The following DNAJC1 variants were observed in gnomAD, a reference collection of about 807,000 sequenced individuals.
The protein encoded by DNAJC1 is DnaJ heat shock protein family (Hsp40) member C1, also known as dnaJ homolog subfamily C member 1.
DNAJC1 carries 58 observed loss-of-function variants against 76.6 expected under a neutral mutation model. The observed-to-expected ratio is 0.76, with a 90% CI of 0.61 to 0.94. The LOEUF is 0.94. DNAJC1 is among the 40% of genes least tolerant of loss of function. The probability of loss-of-function intolerance (pLI) is 0.00; values close to 1 mark genes in which losing one functional copy is unlikely to be tolerated. For synonymous variants in DNAJC1, 258 were observed against 267.9 expected, an observed-to-expected ratio of 0.96 and a Z score of 0.36; for missense variants, 689 against 677.3, an observed-to-expected ratio of 1.02 and a Z score of -0.19.
In DNAJC1 at chr10:21,802,532, T is replaced by C. The variant is rs79885077; in HGVS notation, c.1098+3448A>G. 6.6e-4 allele frequency among the ~76,000 whole-genome samples: 100 copies of C among 152,252 alleles called. 1 individual carries two copies. In the East Asian group the frequency reaches 0.019, roughly 29 times the overall value. On this transcript the variant is annotated intron_variant, in intron 9 of 11. Coordinates refer to ENST00000376980, the MANE Select transcript of DNAJC1 (RefSeq NM_022365.4). ...TCCTTCCTCCTCTTCACTTGCATAA[T>C]GGGCTACATATATAACTACACACCC...
chr10:21,758,452 A>T (rs990173317), intron 11 of DNAJC1, among the ~76,000 whole-genome samples: 4 of 152,220 alleles, frequency 2.6e-5, no homozygotes. Flanking sequence ...GGCTCTCCAC[A>T]GGGCACTCCC....
At chr10:21,977,426 T>A (rs1483235016) in intron 1 of DNAJC1, among the ~76,000 whole-genome samples, 1 of 152,124 alleles carries the variant, frequency 6.6e-6, no homozygotes, top group Non-Finnish European at 1.5e-5. Flanking sequence ...CCACGTGAAC[T>A]AAAATATGAA....
intron 1 of DNAJC1, among the ~76,000 whole-genome samples, chr10:21,969,206 A>G (rs1039348633): frequency 2.2e-5 from 3 of 135,328 alleles, no homozygotes; most frequent in Non-Finnish European, 4.7e-5. Flanking sequence ...CCTGGGCAAT[A>G]GAGCGAGACT....
chr10:21,769,045 T>C (rs1834340761), intron 9 of DNAJC1, among the ~76,000 whole-genome samples: 1 of 152,214 alleles, frequency 6.6e-6, no homozygotes, highest in South Asian at 2.1e-4. Flanking sequence ...CTTCTTTCTC[T>C]GAATGTTCCT....
At chr10:21,780,065 A>G (rs2131627148) in intron 9 of DNAJC1, among the ~76,000 whole-genome samples, 1 of 152,350 alleles carries the variant, frequency 6.6e-6, no homozygotes, top group African/African-American at 2.4e-5. Flanking sequence ...AAAAGAAATG[A>G]ACAAAGCCTC....
At chr10:21,984,249 G>T (rs1838202845) in intron 1 of DNAJC1, among the ~76,000 whole-genome samples, 2 of 152,148 alleles carry the variant, frequency 1.3e-5, no homozygotes, top group African/African-American at 4.8e-5. Flanking sequence ...CTTATAAACA[G>T]AGACCCCAAA....
chr10:21,985,088 C>G (rs1838220216), intron 1 of DNAJC1, among the ~76,000 whole-genome samples: 1 of 152,140 alleles, frequency 6.6e-6, no homozygotes, highest in African/African-American at 2.4e-5. Flanking sequence ...ATTTACATAA[C>G]ATAAAATCCA....
chr10:21,834,464 A>C (rs1017577138), intron 8 of DNAJC1, among the ~76,000 whole-genome samples: 1 of 152,172 alleles, frequency 6.6e-6, no homozygotes, highest in African/African-American at 2.4e-5. Context: ...GGAGTACCAG[A>C]CAGTAGGTGC....
intron 6 of DNAJC1, among the ~76,000 whole-genome samples, chr10:21,907,575 T>G (rs982412465): frequency 6.6e-6 from 1 of 152,138 alleles, no homozygotes; most frequent in Non-Finnish European, 1.5e-5. Context: ...ATAAGAAGAC[T>G]GGGGATAACT....
intron 7 of DNAJC1, among the ~76,000 whole-genome samples, chr10:21,896,115 G>A (rs1404127547): frequency 2.0e-5 from 3 of 152,192 alleles, no homozygotes; most frequent in African/African-American, 7.2e-5. Flanking sequence ...CAAAGGTGGG[G>A]CTGCTAGAGA....
Position 21,993,570 on chromosome 10 carries a change from A to G in DNAJC1, c.222+9643T>C, listed in dbSNP as rs117888448. Among the ~76,000 whole-genome samples, 46 of 152,330 alleles carry G rather than the reference A, an allele frequency of 3.0e-4. No individual in the cohort carries two copies. In the East Asian group the frequency reaches 8.9e-3, roughly 29 times the overall value. On this transcript the variant is annotated intron_variant, in intron 1 of 11. Transcript: ENST00000376980. Reference sequence around the variant, plus strand: ...AATACAACCCCTCAACATTTTTAATAGCAATATCCAAAGAAGGCCACAAGA... The same window carrying G: ...AATACAACCCCTCAACATTTTTAATGGCAATATCCAAAGAAGGCCACAAGA...
chr10:21,858,740 A>G (rs1017716374), intron 8 of DNAJC1, among the ~76,000 whole-genome samples: 3 of 152,230 alleles, frequency 2.0e-5, no homozygotes, highest in African/African-American at 7.2e-5. Context: ...GGTCTCCTAC[A>G]TAAAACACTG....
chr10:21,768,209 T>C (rs1190643673), intron 9 of DNAJC1, among the ~76,000 whole-genome samples: 2 of 152,254 alleles, frequency 1.3e-5, no homozygotes, highest in East Asian at 1.9e-4. Context: ...ATTTAAAATA[T>C]GAATTTCATT....
chr10:21,854,109 A>G (rs1026581180), intron 8 of DNAJC1, among the ~76,000 whole-genome samples: 2 of 152,162 alleles, frequency 1.3e-5, no homozygotes, highest in Non-Finnish European at 2.9e-5. Context: ...GGATACAAAG[A>G]TAAAAAGGCC....
intron 8 of DNAJC1, among the ~76,000 whole-genome samples, chr10:21,811,348 A>G (rs1834962568): frequency 6.6e-6 from 1 of 152,216 alleles, no homozygotes; most frequent in African/African-American, 2.4e-5. Context: ...AATTGTATTA[A>G]GCCCATATAT....
intron 7 of DNAJC1, among the ~76,000 whole-genome samples, chr10:21,892,786 G>T (rs1221394404): frequency 2.0e-5 from 3 of 151,884 alleles, no homozygotes; most frequent in Non-Finnish European, 4.4e-5. Flanking sequence ...AAATTACCAG[G>T]AATGAAGAGA....
chr10:21,859,064 C>T (rs1047317359), intron 8 of DNAJC1, among the ~76,000 whole-genome samples: 6 of 152,234 alleles, frequency 3.9e-5, no homozygotes, highest in Admixed American at 6.5e-5. Flanking sequence ...TCATCTAATC[C>T]TCCCACTACT....
chr10:21,862,088 T>C (rs1279714626), intron 8 of DNAJC1, among the ~76,000 whole-genome samples: 1 of 151,874 alleles, frequency 6.6e-6, no homozygotes, highest in Non-Finnish European at 1.5e-5. Flanking sequence ...CCGGCTAATT[T>C]TGTATTTTTA....
chr10:21,767,555 T>C (rs116059754), intron 9 of DNAJC1, among the ~76,000 whole-genome samples: 5,007 of 152,308 alleles, frequency 0.033, 129 homozygotes, highest in Middle Eastern at 0.062. Context: ...CCTGAGTAGC[T>C]GGGACTACAG....
Sources: gnomAD v4.1 joint callset for allele counts (sites outside exome capture counted in the v4.1 genomes callset) on GRCh38, gnomAD v4.1.1 for gene constraint, MANE v1.5 for transcripts, NCBI Gene and HGNC (gene_info 2026-07-23, HGNC 2026-07-21) for gene names.